Variants in RIMS2 observed in about 807,000 individuals in gnomAD.
RIMS2 encodes regulating synaptic membrane exocytosis 2, also known as regulating synaptic membrane exocytosis protein 2.
Under a neutral mutation model 174.4 loss-of-function variants are expected in RIMS2, and 59 were observed. The ratio of observed to expected loss-of-function variants is 0.34; its 90% CI spans 0.27 to 0.42. The LOEUF (loss-of-function observed/expected upper bound fraction) is 0.42, where lower values mean the gene tolerates loss of function less well. RIMS2 is among the 10% of genes least tolerant of loss of function. The pLI is 1.00. For missense variants in RIMS2, 1,620 were observed against 1,666.3 expected, an observed-to-expected ratio of 0.97 and a Z score of 0.48; for synonymous variants, 606 against 572.5, an observed-to-expected ratio of 1.06 and a Z score of -0.84.
At chr8:103,654,542 A>G (rs956717535) in intron 1 of RIMS2, among the ~76,000 whole-genome samples, 1 of 151,992 alleles carries the variant, frequency 6.6e-6, no homozygotes, top group Non-Finnish European at 1.5e-5. Flanking sequence ...CTTAATAGCT[A>G]CATTCTTCAT....
chr8:103,856,822 T>A (rs186086038), intron 3 of RIMS2, among the ~76,000 whole-genome samples: 3 of 152,080 alleles, frequency 2.0e-5, no homozygotes, highest in Non-Finnish European at 2.9e-5. Context: ...TTTTTTTTTC[T>A]TTGAGAAGGA....
chr8:103,900,821 A>G (rs755539048), intron 4 of RIMS2, among the ~76,000 whole-genome samples: 3 of 152,048 alleles, frequency 2.0e-5, no homozygotes, highest in Non-Finnish European at 4.4e-5. Context: ...ACAGGATTCC[A>G]TGTCTGAAAA....
At chr8:103,616,965 T>C (rs1021591824) in intron 1 of RIMS2, among the ~76,000 whole-genome samples, 3 of 152,212 alleles carry the variant, frequency 2.0e-5, no homozygotes, top group Non-Finnish European at 2.9e-5. Context: ...ATTTATTAAT[T>C]TGGTGCTATT....
intron 1 of RIMS2, among the ~76,000 whole-genome samples, chr8:103,634,339 T>G (rs890836966): frequency 2.0e-5 from 3 of 152,352 alleles, no homozygotes; most frequent in African/African-American, 7.2e-5. Context: ...TCGAGCGACT[T>G]TCATTGTGTT....
intron 19 of RIMS2, among the ~76,000 whole-genome samples, chr8:104,138,029 G>A (rs115355252): frequency 0.013 from 1,939 of 152,268 alleles, 47 homozygotes; most frequent in African/African-American, 0.045. Flanking sequence ...CTGCAAATAA[G>A]TGAAAACATG....
intron 19 of RIMS2, among the ~76,000 whole-genome samples, chr8:104,109,236 G>T (rs913454693): frequency 6.8e-6 from 1 of 147,436 alleles, no homozygotes; most frequent in African/African-American, 2.5e-5. Flanking sequence ...GGTGGAGCTT[G>T]CAGTGAGCCG....
At chr8:104,232,527 A>G (rs2099236223) in intron 19 of RIMS2, among the ~76,000 whole-genome samples, 1 of 152,210 alleles carries the variant, frequency 6.6e-6, no homozygotes, top group Non-Finnish European at 1.5e-5. Flanking sequence ...ATCTCTAGGA[A>G]GGCTGGAGAT....
intron 3 of RIMS2, among the ~76,000 whole-genome samples, chr8:103,834,323 TTTC>T (rs1174076821): frequency 7.3e-6 from 1 of 137,106 alleles, no homozygotes; most frequent in African/African-American, 2.7e-5. Flanking sequence ...TCTTTTCTTT[TTTC>T]TTTTTCTTTT....
rs1275941899 is a variant in RIMS2 at position 103,571,192 on chromosome 8, A to T, written c.176+70130A>T. Among the ~76,000 whole-genome samples, 4 of 152,234 alleles carry T rather than the reference A, an allele frequency of 2.6e-5. No individual in the cohort carries two copies. The East Asian group carries it at 7.7e-4, about 29-fold the overall frequency. ...GTATTGTGTTTGGTACATACTATGT[A>T]TTCATTAAGTGTTTATTGAATGAAT... On this transcript the variant is annotated intron_variant, in intron 1 of 23. Transcript: ENST00000504942.
At chr8:103,936,811 A>G in intron 13 of RIMS2, 89 bp downstream of exon 15, 1 of 1,069,260 alleles carries the variant, frequency 9.4e-7, no homozygotes, top group South Asian at 1.7e-5. Flanking sequence ...CATTTGTAGA[A>G]TAGGCCAGGC....
intron 19 of RIMS2, among the ~76,000 whole-genome samples, chr8:104,019,303 T>C (rs780150749): frequency 5.3e-5 from 8 of 152,214 alleles, no homozygotes; most frequent in Non-Finnish European, 7.4e-5. Context: ...AATACTAATC[T>C]TACCAATTAT....
chr8:104,195,905 A>G (rs1218525329), intron 19 of RIMS2, among the ~76,000 whole-genome samples: 3 of 152,142 alleles, frequency 2.0e-5, no homozygotes, highest in South Asian at 2.1e-4. Context: ...TTTATTTAAT[A>G]TAAGTTTTAT....
intron 3 of RIMS2, among the ~76,000 whole-genome samples, chr8:103,840,629 A>G (rs942566333): frequency 3.0e-4 from 46 of 152,054 alleles, no homozygotes; most frequent in African/African-American, 1.1e-3. Context: ...TTCCGTTCAT[A>G]TGTTAACTTT....
At chr8:103,839,758 C>G (rs1396038299) in intron 3 of RIMS2, among the ~76,000 whole-genome samples, 3 of 152,146 alleles carry the variant, frequency 2.0e-5, no homozygotes, top group Admixed American at 6.5e-5. Context: ...TCTCTTCTGC[C>G]CTAGTACTTT....
intron 19 of RIMS2, among the ~76,000 whole-genome samples, chr8:104,147,493 A>G (rs1408048828): frequency 6.6e-6 from 1 of 152,142 alleles, no homozygotes. Flanking sequence ...TTTCTGGAAG[A>G]CAAAGATATT....
intron 1 of RIMS2, among the ~76,000 whole-genome samples, chr8:103,547,042 G>A (rs1044414396): frequency 6.6e-6 from 1 of 152,150 alleles, no homozygotes; most frequent in African/African-American, 2.4e-5. Context: ...CATGGAAAGT[G>A]TTCACAGACA....
intron 19 of RIMS2, among the ~76,000 whole-genome samples, chr8:104,130,984 G>A (rs2098469428): frequency 6.6e-6 from 1 of 152,148 alleles, no homozygotes; most frequent in Non-Finnish European, 1.5e-5. Flanking sequence ...TTACGCATAG[G>A]TCAGAGCATT....
At chr8:103,987,524 A>G (rs1161095063) in intron 16 of RIMS2, among the ~76,000 whole-genome samples, 1 of 152,236 alleles carries the variant, frequency 6.6e-6, no homozygotes, top group Non-Finnish European at 1.5e-5. Context: ...TAAAGCAAGC[A>G]TTATACTTAA....
At chr8:103,580,773 C>G (rs1442692723) in intron 1 of RIMS2, among the ~76,000 whole-genome samples, 1 of 150,332 alleles carries the variant, frequency 6.7e-6, no homozygotes, top group Non-Finnish European at 1.5e-5. Context: ...TAAAGATGAA[C>G]TAATACCATG....
Sources: allele counts gnomAD v4.1 joint callset (sites outside exome capture counted in the v4.1 genomes callset), GRCh38; gene constraint gnomAD v4.1.1; transcripts MANE v1.5; gene names NCBI Gene and HGNC (gene_info 2026-07-23, HGNC 2026-07-21).